The following VRK2 variants were observed in gnomAD, a reference collection of about 807,000 sequenced individuals.
The protein encoded by VRK2 is VRK serine/threonine kinase 2, also known as serine/threonine-protein kinase VRK2.
Under a neutral mutation model 57.6 loss-of-function variants are expected in VRK2, and 60 were observed. That is an observed-to-expected ratio of 1.04 (90% confidence interval 0.85 to 1.29). VRK2 has a LOEUF of 1.29. Among genes scored for constraint, VRK2 ranks in the 50% most tolerant of loss-of-function variants. VRK2 has a pLI of 0.00. For synonymous variants in VRK2, 231 were observed against 199.2 expected, an observed-to-expected ratio of 1.16 and a Z score of -1.35; for missense variants, 705 against 588.1, an observed-to-expected ratio of 1.20 and a Z score of -2.06.
intron 1 of VRK2, among the ~76,000 whole-genome samples, chr2:57,932,988 A>C (rs2678884): frequency 0.71 from 108,468 of 151,948 alleles, 40,116 homozygotes; most frequent in African/African-American, 0.93. Flanking sequence ...TTTCAATTTT[A>C]TTCCTGTTAT....
In VRK2 at chr2:57,920,889, A is replaced by G. The variant is rs146013698; in HGVS notation, c.-439+13050A>G. Among the ~76,000 whole-genome samples, 27 of 152,156 alleles carry G rather than the reference A, an allele frequency of 1.8e-4. No homozygotes were observed. In the East Asian group the frequency reaches 4.8e-3, roughly 27 times the overall value. On this transcript the variant is annotated intron_variant, in intron 1 of 15. Transcript: ENST00000417641. ...TTTTATTATGGGATCAGAATAGTAC[A>G]TGTTATATTTTGGCAAGCATTTTAC...
At chr2:57,954,370 A>C (rs1266958355) in intron 1 of VRK2, among the ~76,000 whole-genome samples, 1 of 152,058 alleles carries the variant, frequency 6.6e-6, no homozygotes, top group African/African-American at 2.4e-5. Context: ...CAACCCCTTC[A>C]GTTTAAATAT....
At chr2:57,910,063 G>A (rs1669939211) in intron 1 of VRK2, among the ~76,000 whole-genome samples, 1 of 151,182 alleles carries the variant, frequency 6.6e-6, no homozygotes, top group African/African-American at 2.4e-5. Flanking sequence ...TAATTAGCCT[G>A]ATAGGTAAAA....
At chr2:57,943,728 G>C (rs1671169101) in intron 1 of VRK2, among the ~76,000 whole-genome samples, 1 of 152,162 alleles carries the variant, frequency 6.6e-6, no homozygotes, top group Non-Finnish European at 1.5e-5. Context: ...TTTCCAACTA[G>C]ACTTAGTCTT....
intron 2 of VRK2, among the ~76,000 whole-genome samples, chr2:58,060,147 C>T (rs1192512972): frequency 6.6e-6 from 1 of 151,590 alleles, no homozygotes; most frequent in Non-Finnish European, 1.5e-5. Context: ...AAATCCCACA[C>T]AAGACACTTC....
chr2:57,941,308 G>T (rs944387297), intron 1 of VRK2, among the ~76,000 whole-genome samples: 1 of 152,174 alleles, frequency 6.6e-6, no homozygotes, highest in African/African-American at 2.4e-5. Context: ...AGTTCTACAT[G>T]AATATTGACA....
intron 2 of VRK2, among the ~76,000 whole-genome samples, chr2:58,075,250 T>A (rs1038050467): frequency 1.3e-5 from 2 of 152,128 alleles, no homozygotes; most frequent in African/African-American, 4.8e-5. Context: ...CTGTGTAGTA[T>A]TCCGTAGTGT....
chr2:58,036,433 A>T (rs1003817500), intron 3 of VRK2, among the ~76,000 whole-genome samples: 3 of 152,054 alleles, frequency 2.0e-5, no homozygotes, highest in Non-Finnish European at 4.4e-5. Flanking sequence ...TCATAGAAAT[A>T]ACACAAATGA....
intron 1 of VRK2, among the ~76,000 whole-genome samples, chr2:57,939,263 C>T (rs1671016003): frequency 6.6e-6 from 1 of 152,108 alleles, no homozygotes; most frequent in Admixed American, 6.6e-5. Flanking sequence ...TTAGTGATTT[C>T]CAGATTTCAG....
chr2:57,962,670 G>A (rs1259632735), intron 1 of VRK2, among the ~76,000 whole-genome samples: 1 of 152,088 alleles, frequency 6.6e-6, no homozygotes, highest in Non-Finnish European at 1.5e-5. Flanking sequence ...AGAACATGCA[G>A]TATTTCCGGT....
chr2:57,936,332 C>A (rs557518365), intron 1 of VRK2, among the ~76,000 whole-genome samples: 1 of 152,266 alleles, frequency 6.6e-6, no homozygotes, highest in South Asian at 2.1e-4. Flanking sequence ...ATTTTTCCAG[C>A]ATTTTACCTA....
At position 58,123,202 on chromosome 2, in the gene VRK2, G is replaced by A. The variant is rs1393045241; in HGVS notation, c.645G>A (p.Glu215=). 19 of 1,588,006 alleles carry A rather than the reference G, an allele frequency of 1.2e-5. No homozygotes were observed. Among genetic ancestry groups the A allele is most frequent in the Non-Finnish European group, 1.6e-5 (19 of 1,173,360 alleles). Residue 215 remains glutamate (E), a synonymous_variant, in exon 8 of 13, where the codon GAG becomes GAA. Transcript: ENST00000340157. ...GAAAAGGCCATAATGGGACAATAGAGTTTACCAGCTTGGATGCCCACAAGG... is the reference window on the plus strand; with the variant it reads ...GAAAAGGCCATAATGGGACAATAGAATTTACCAGCTTGGATGCCCACAAGG... ...NPRKGHNGTI[E]FTSLDAHKGV... is the part of the protein sequence containing the mutation.
intron 1 of VRK2, among the ~76,000 whole-genome samples, chr2:57,922,602 AG>A (rs1238071156): frequency 1.3e-5 from 2 of 151,782 alleles, no homozygotes; most frequent in Non-Finnish European, 2.9e-5. Context: ...AATTTTTTTT[AG>A]ATTTTAATTT....
intron 4 of VRK2, among the ~76,000 whole-genome samples, chr2:58,085,415 A>G (rs895023413): frequency 6.6e-6 from 1 of 152,008 alleles, no homozygotes; most frequent in Admixed American, 6.6e-5. Context: ...AGAAAATGTT[A>G]GAAACTTGAA....
At chr2:58,037,976 A>T (rs753173427) in intron 3 of VRK2, among the ~76,000 whole-genome samples, 1 of 152,162 alleles carries the variant, frequency 6.6e-6, no homozygotes, top group Non-Finnish European at 1.5e-5. Flanking sequence ...TCATTCAACA[A>T]GCATTTATTT....
chr2:57,971,766 C>T (rs1378246968), intron 1 of VRK2, among the ~76,000 whole-genome samples: 1 of 151,428 alleles, frequency 6.6e-6, no homozygotes. Flanking sequence ...AGTTGGAATA[C>T]TTACATAAAA....
At chr2:58,095,914 A>G (rs1234758442) in intron 7 of VRK2, among the ~76,000 whole-genome samples, 1 of 152,080 alleles carries the variant, frequency 6.6e-6, no homozygotes, top group Admixed American at 6.5e-5. Context: ...TTGTGAATAT[A>G]TGTGTGAATA....
intron 1 of VRK2, among the ~76,000 whole-genome samples, chr2:57,965,161 C>T (rs1671877248): frequency 1.3e-5 from 2 of 152,046 alleles, no homozygotes; most frequent in African/African-American, 2.4e-5. Flanking sequence ...GAAAACTGAT[C>T]ATCATCATAC....
At chr2:58,094,951 C>G (rs1672912254) in intron 7 of VRK2, among the ~76,000 whole-genome samples, 1 of 152,072 alleles carries the variant, frequency 6.6e-6, no homozygotes, top group African/African-American at 2.4e-5. Context: ...TCAGTGTTAT[C>G]TTAGCTATTT....
Sources: allele counts gnomAD v4.1 joint callset (sites outside exome capture counted in the v4.1 genomes callset), GRCh38; gene constraint gnomAD v4.1.1; transcripts MANE v1.5; gene names NCBI Gene and HGNC (gene_info 2026-07-23, HGNC 2026-07-21).